The following FGD3 variants were observed in gnomAD, a reference collection of about 807,000 sequenced individuals.
FGD3 encodes the protein FYVE, RhoGEF and PH domain-containing protein 3.
A neutral mutation model predicts 71.8 loss-of-function variants in FGD3; 45 were observed. The ratio of observed to expected loss-of-function variants is 0.63; its 90% CI spans 0.49 to 0.80. The LOEUF (loss-of-function observed/expected upper bound fraction) is 0.80, where lower values mean the gene tolerates loss of function less well. Among genes scored for constraint, FGD3 ranks in the 30% least tolerant of loss-of-function variants. The probability of loss-of-function intolerance (pLI) is 0.00; values close to 1 mark genes in which losing one functional copy is unlikely to be tolerated. For synonymous variants in FGD3, 378 were observed against 392.8 expected (o/e 0.96, Z 0.44); for missense variants, 844 against 951.5 (o/e 0.89, Z 1.49).
At chr9:92,964,712 G>T (rs1859248182) in intron 1 of FGD3, among the ~76,000 whole-genome samples, 2 of 152,174 alleles carry the variant, frequency 1.3e-5, no homozygotes, top group Admixed American at 6.5e-5. Flanking sequence ...GCTGGCAGGG[G>T]CCTGGGTCCG....
chr9:93,025,827 C>G (rs1215098778), intron 14 of FGD3, among the ~76,000 whole-genome samples: 1 of 152,222 alleles, frequency 6.6e-6, no homozygotes, highest in Non-Finnish European at 1.5e-5. Context: ...AGCGAGGCAT[C>G]TAAGGGCACC....
At chr9:92,989,240 G>A (rs1391655291) in intron 3 of FGD3, among the ~76,000 whole-genome samples, 11 of 152,036 alleles carry the variant, frequency 7.2e-5, no homozygotes, top group African/African-American at 2.4e-4. Context: ...TAGTAGAGAC[G>A]GGGTTTCACC....
chr9:92,999,616 CAG>C (rs1334051785), intron 3 of FGD3, among the ~76,000 whole-genome samples: 1 of 131,582 alleles, frequency 7.6e-6, no homozygotes, highest in African/African-American at 2.8e-5. Context: ...TTTTTAAAGA[CAG>C]AGTCTTGGTC....
intron 1 of FGD3, among the ~76,000 whole-genome samples, chr9:92,961,521 T>C (rs1025381316): frequency 4.6e-5 from 7 of 152,214 alleles, no homozygotes; most frequent in Non-Finnish European, 1.0e-4. Flanking sequence ...GCTTCTCCAC[T>C]GTGGGCTGAT....
intron 5 of FGD3, 84 bp from the exon 6 acceptor site, chr9:93,005,940 C>A: frequency 6.9e-7 from 1 of 1,452,000 alleles, no homozygotes; most frequent in Non-Finnish European, 9.2e-7. Flanking sequence ...CCACCCCACA[C>A]CCCCCTGGTG....
At chr9:92,959,576 A>G (rs1017123553) in intron 1 of FGD3, among the ~76,000 whole-genome samples, 2 of 151,946 alleles carry the variant, frequency 1.3e-5, no homozygotes, top group African/African-American at 2.4e-5. Context: ...GCATAGTGCC[A>G]CACACCTGTG....
rs1413469101 is a variant in FGD3, at chr9:93,011,264, C to T, written c.1027C>T (p.Arg343Trp). 5.0e-6 allele frequency: 8 copies of T among 1,614,034 alleles called. No individual in the cohort carries two copies. The African/African-American group carries it at 5.3e-5, about 11-fold the overall frequency. ...CGCCAACCACTCCAATGCTGCCATT[C>T]GGAAAGTGGTGAGTGTGGGGCTCCA... ...TAANHSNAAI[R>W]KVEKMHKLLE... The change falls in exon 8 of 18, where the codon CGG (arginine) becomes TGG (tryptophan). Residue 343 changes from arginine to tryptophan, a missense_variant. Arg to Trp is a moderately radical substitution (Grantham distance 101). Transcript: ENST00000375482.
intron 14 of FGD3, among the ~76,000 whole-genome samples, chr9:93,028,191 A>T (rs905014223): frequency 7.8e-6 from 1 of 128,886 alleles, no homozygotes; most frequent in African/African-American, 3.2e-5. Flanking sequence ...CTCAGCCCCT[A>T]GCCCCGACAC....
At chr9:92,993,364 A>T (rs1860495867) in intron 3 of FGD3, among the ~76,000 whole-genome samples, 1 of 151,992 alleles carries the variant, frequency 6.6e-6, no homozygotes, top group Non-Finnish European at 1.5e-5. Flanking sequence ...CCATCCTGTC[A>T]CTTTCAGCCT....
rs869235976 is a variant in FGD3, at chr9:93,028,995, G to GTTTTTTTTTTTT, written c.1558-848_1558-837dup. 1.9e-4 allele frequency among the ~76,000 whole-genome samples: 10 copies of GTTTTTTTTTTTT among 51,754 alleles called. 2 individuals are homozygous for GTTTTTTTTTTTT. The highest frequency in any genetic ancestry group is 3.2e-4 in the Admixed American group (1 of 3,152). The allele number at this position is 51,754 out of a possible 152,430, so 34.0% of individuals were successfully genotyped here. Reference sequence around the variant, plus strand: ...CATGGCTTCCTCACATGTCCTCACAGTTTTTTTTTTTTTTTTTTTTTTTTT... The same window carrying GTTTTTTTTTTTT: ...CATGGCTTCCTCACATGTCCTCACAGTTTTTTTTTTTTTTTTTTTTTTTTTTTTTTTTTTTTT... On this transcript the variant is annotated intron_variant, in intron 14 of 17. Transcript: ENST00000375482.
At chr9:92,972,838 C>G (rs190823676) in intron 1 of FGD3, among the ~76,000 whole-genome samples, 30 of 152,188 alleles carry the variant, frequency 2.0e-4, no homozygotes, top group East Asian at 5.8e-4. Flanking sequence ...TTCAAATTCA[C>G]TAGTTTTTCT....
intron 1 of FGD3, among the ~76,000 whole-genome samples, chr9:92,950,418 C>CAAAA (rs772736450): frequency 8.8e-6 from 1 of 113,680 alleles, no homozygotes; most frequent in Non-Finnish European, 1.9e-5. Context: ...GATTCCATCT[C>CAAAA]AAAAAAAAAA....
At chr9:93,008,909 G>T (rs1453276445) in intron 6 of FGD3, among the ~76,000 whole-genome samples, 2 of 150,692 alleles carry the variant, frequency 1.3e-5, no homozygotes, top group Admixed American at 6.6e-5. Flanking sequence ...AGGCTGTAGT[G>T]AGCCAAGATC....
rs1859439953 is a variant in FGD3, at chr9:92,969,078, T to C, written c.-217-6160T>C. On this transcript the variant is annotated intron_variant, in intron 1 of 17. Coordinates refer to ENST00000375482, the MANE Select transcript of FGD3 (RefSeq NM_001083536.2). This position sits in a 1 kb window ranked among gnomAD's most constrained non-coding sequence, Gnocchi z 4.5. ...GGATATAGGCAGTTCACATGGTTTA[T>C]TGTATCACCTAGAGGCACTTACAGT... is the stretch of plus-strand genomic sequence containing the variant. Among the ~76,000 whole-genome samples the C allele has an allele frequency of 6.6e-6, 1 of 152,232 alleles. No homozygotes were observed. The highest frequency in any genetic ancestry group is 1.5e-5 in the Non-Finnish European group (1 of 68,040).
intron 15 of FGD3, among the ~76,000 whole-genome samples, chr9:93,030,723 G>C (rs570089939): frequency 1.3e-4 from 19 of 144,112 alleles, no homozygotes; most frequent in East Asian, 2.3e-4. Context: ...GGCAGCAGGG[G>C]GGGGGGAATA....
Position 93,034,681 on chromosome 9 carries a change from G to C in FGD3, c.1926G>C (p.Gln642His), listed in dbSNP as rs1323701222. ...PQVLHLQGGS[Q>H]DGRLPRTIPL... ...TGCTGCACCTGCAGGGAGGCAGCCA[G>C]GTACGTGTCCCCACCCCACCAGGCC... The change falls in exon 17 of 18, where the codon CAG becomes CAC. Residue 642 changes from glutamine (Q) to histidine (H), a missense_variant and splice_region_variant. Physicochemically the swap from Gln to His is conservative, Grantham distance 24. Coordinates refer to ENST00000375482, the MANE Select transcript of FGD3 (RefSeq NM_001083536.2). The C allele has an allele frequency of 1.9e-6, 3 of 1,612,114 alleles. No individual in the cohort carries two copies. The highest frequency in any genetic ancestry group is 2.7e-5 in the African/African-American group (2 of 74,874).
intron 3 of FGD3, among the ~76,000 whole-genome samples, chr9:92,998,680 T>C (rs1022785216): frequency 1.3e-5 from 2 of 152,216 alleles, no homozygotes; most frequent in African/African-American, 4.8e-5. Flanking sequence ...TTCTGTTTGT[T>C]AGTTTTCTGT....
intron 14 of FGD3, 84 bp downstream of exon 14, chr9:93,022,473 A>G: frequency 6.8e-7 from 1 of 1,461,788 alleles, no homozygotes. Context: ...GAAGATGGAG[A>G]GGGAGGGTCA....
At chr9:92,984,408 A>AG (rs1438586445) in intron 3 of FGD3, among the ~76,000 whole-genome samples, 1 of 152,182 alleles carries the variant, frequency 6.6e-6, no homozygotes, top group African/African-American at 2.4e-5. Flanking sequence ...TCCTTCTGTT[A>AG]GGAAGTTATG....
Sources: allele counts gnomAD v4.1 joint callset (sites outside exome capture counted in the v4.1 genomes callset), GRCh38; gene constraint gnomAD v4.1.1; non-coding constraint Gnocchi (gnomAD v3.1); transcripts MANE v1.5; gene names NCBI Gene and HGNC (gene_info 2026-07-23, HGNC 2026-07-21).